Variants in NPAS3 observed in about 807,000 individuals in gnomAD.
NPAS3 encodes neuronal PAS domain-containing protein 3.
In NPAS3, 14 loss-of-function variants were observed where a neutral mutation model predicts 73.1. The ratio of observed to expected loss-of-function variants is 0.19; its 90% CI spans 0.13 to 0.30. The LOEUF (loss-of-function observed/expected upper bound fraction) is 0.30. Among genes scored for constraint, NPAS3 ranks in the 10% least tolerant of loss-of-function variants. The pLI is 1.00. For synonymous variants in NPAS3, 620 were observed against 541.5 expected, an observed-to-expected ratio of 1.14 and a Z score of -2.01; for missense variants, 1,096 against 1,250.0, an observed-to-expected ratio of 0.88 and a Z score of 1.86.
intron 4 of NPAS3, among the ~76,000 whole-genome samples, chr14:33,450,685 T>C (rs1436388175): frequency 6.6e-6 from 1 of 152,230 alleles, no homozygotes; most frequent in Non-Finnish European, 1.5e-5. Flanking sequence ...TTTTATTGTT[T>C]GCTGTTTTTC....
chr14:33,182,291 A>G (rs968518274), intron 2 of NPAS3, among the ~76,000 whole-genome samples: 4 of 152,364 alleles, frequency 2.6e-5, no homozygotes, highest in African/African-American at 9.6e-5. Context: ...TTCAACAAAC[A>G]TAGTAGTATG....
chr14:33,630,734 C>G (rs1339219407), intron 5 of NPAS3, among the ~76,000 whole-genome samples: 1 of 152,130 alleles, frequency 6.6e-6, no homozygotes. Context: ...ATATGCCCCC[C>G]CAGGATGGAG....
intron 4 of NPAS3, among the ~76,000 whole-genome samples, chr14:33,439,751 A>G (rs1228588183): frequency 6.6e-6 from 1 of 152,220 alleles, no homozygotes; most frequent in African/African-American, 2.4e-5. Flanking sequence ...CTAGGTGCCT[A>G]AAAGAGGCCA....
At chr14:33,637,680 C>G (rs900349925) in intron 5 of NPAS3, among the ~76,000 whole-genome samples, 1 of 152,156 alleles carries the variant, frequency 6.6e-6, no homozygotes, top group Non-Finnish European at 1.5e-5. Flanking sequence ...AAATGACTTA[C>G]CTTTTTTGTT....
chr14:33,456,712 C>T (rs4644775), intron 4 of NPAS3, among the ~76,000 whole-genome samples: 3,301 of 152,188 alleles, frequency 0.022, 173 homozygotes, highest in East Asian at 0.21. Flanking sequence ...GAAATTATAG[C>T]GGTGCTAGAA....
intron 1 of NPAS3, among the ~76,000 whole-genome samples, chr14:32,983,283 A>T (rs1256239677): frequency 6.6e-6 from 1 of 152,116 alleles, no homozygotes; most frequent in East Asian, 1.9e-4. Flanking sequence ...ATTTTTCTTT[A>T]GACTATAAAA....
chr14:32,959,013 T>C (rs566798941), intron 1 of NPAS3, among the ~76,000 whole-genome samples: 4 of 152,276 alleles, frequency 2.6e-5, no homozygotes, highest in African/African-American at 9.6e-5. Context: ...TAACGATAGC[T>C]GATGAGCTAA....
At chr14:33,234,529 T>C (rs115013808) in intron 3 of NPAS3, among the ~76,000 whole-genome samples, 1 of 152,246 alleles carries the variant, frequency 6.6e-6, no homozygotes, top group African/African-American at 2.4e-5. Flanking sequence ...CTAAATAGAC[T>C]TCTCTTCCAG....
At chr14:33,667,854 C>A (rs1424219329) in intron 5 of NPAS3, among the ~76,000 whole-genome samples, 1 of 152,108 alleles carries the variant, frequency 6.6e-6, no homozygotes, top group Admixed American at 6.5e-5. Flanking sequence ...ATGGGCTAAC[C>A]ACCTATATTC....
At chr14:32,949,843 T>C (rs969123939) in intron 1 of NPAS3, among the ~76,000 whole-genome samples, 5 of 151,988 alleles carry the variant, frequency 3.3e-5, no homozygotes, top group African/African-American at 1.2e-4. Context: ...CTGTTTAAGG[T>C]ATTCTTTTTA....
chr14:33,300,662 G>C (rs2042491966), intron 3 of NPAS3, among the ~76,000 whole-genome samples: 1 of 152,194 alleles, frequency 6.6e-6, no homozygotes, highest in Admixed American at 6.5e-5. Flanking sequence ...CCCTGGACCA[G>C]GGGCTGGCCA....
At chr14:33,627,485 C>G (rs1404186742) in intron 5 of NPAS3, among the ~76,000 whole-genome samples, 1 of 152,124 alleles carries the variant, frequency 6.6e-6, no homozygotes, top group African/African-American at 2.4e-5. Context: ...ACAGCATAGA[C>G]CCCAACTGCA....
intron 4 of NPAS3, among the ~76,000 whole-genome samples, chr14:33,419,203 A>G (rs2048274087): frequency 6.6e-6 from 1 of 151,936 alleles, no homozygotes; most frequent in South Asian, 2.1e-4. Context: ...GGCTGAAGGT[A>G]GACTAAGGAT....
intron 2 of NPAS3, among the ~76,000 whole-genome samples, chr14:33,086,653 T>G (rs1356851271): frequency 1.3e-5 from 2 of 152,196 alleles, no homozygotes; most frequent in Non-Finnish European, 2.9e-5. Context: ...CCAGATACCC[T>G]TTATTCTGAC....
intron 1 of NPAS3, among the ~76,000 whole-genome samples, chr14:33,016,653 T>C (rs1595234205): frequency 6.6e-6 from 1 of 151,396 alleles, no homozygotes; most frequent in East Asian, 1.9e-4. Flanking sequence ...CATTGCTTAA[T>C]TGGCACCTTC....
intron 1 of NPAS3, among the ~76,000 whole-genome samples, chr14:32,940,356 C>T (rs903296260): frequency 6.6e-6 from 1 of 152,212 alleles, no homozygotes; most frequent in African/African-American, 2.4e-5. Flanking sequence ...TAACTCAGCA[C>T]CCCCTCCCCA....
chr14:33,141,495 A>T (rs2044041765), intron 2 of NPAS3, among the ~76,000 whole-genome samples: 1 of 152,256 alleles, frequency 6.6e-6, no homozygotes, highest in Non-Finnish European at 1.5e-5. Context: ...AGATAATTCT[A>T]TGAATCACAG....
intron 3 of NPAS3, among the ~76,000 whole-genome samples, chr14:33,351,165 T>C (rs898498377): frequency 6.6e-6 from 1 of 152,192 alleles, no homozygotes. Context: ...CTTACAGGTG[T>C]AAACACGGAA....
intron 7 of NPAS3, among the ~76,000 whole-genome samples, chr14:33,769,747 TTTTTTTTTC>T (rs1405544397): frequency 1.9e-5 from 2 of 103,556 alleles, no homozygotes; most frequent in Non-Finnish European, 3.9e-5. Flanking sequence ...AGACTTGGAT[TTTTTTTTTC>T]TTTTTTTTTT....
Sources: allele counts gnomAD v4.1 joint callset (sites outside exome capture counted in the v4.1 genomes callset), GRCh38; gene constraint gnomAD v4.1.1; transcripts MANE v1.5; gene names NCBI Gene and HGNC (gene_info 2026-07-23, HGNC 2026-07-21).